Variants in TRAF3 observed in about 807,000 individuals in gnomAD.
The protein encoded by TRAF3 is TNF receptor-associated factor 3.
Under a neutral mutation model 62.3 loss-of-function variants are expected in TRAF3, and 13 were observed. That is an observed-to-expected ratio of 0.21 (90% confidence interval 0.14 to 0.33). The LOEUF (loss-of-function observed/expected upper bound fraction) is 0.33, where lower values mean the gene tolerates loss of function less well. Ranked by LOEUF, TRAF3 falls within the 10% of genes least tolerant of loss-of-function variation. TRAF3 has a pLI of 1.00. For synonymous variants in TRAF3, 269 were observed against 283.4 expected, an observed-to-expected ratio of 0.95 and a Z score of 0.51; for missense variants, 440 against 741.8, an observed-to-expected ratio of 0.59 and a Z score of 4.73.
In TRAF3 at chr14:102,909,301, G is replaced by T. The variant is rs539769445; in HGVS notation, c.*3517G>T. On this transcript the variant is annotated 3_prime_UTR_variant, in exon 12 of 12. Coordinates refer to ENST00000392745, the MANE Select transcript of TRAF3 (RefSeq NM_145725.3). ...CGCAAGCCTCGCCGGACCCCTGGGC[G>T]AAGGCCTGGACTTGCAGATGTGTGT... 6.6e-6 allele frequency: 1 copy of T among 152,302 alleles called. No homozygotes were observed. Among genetic ancestry groups the T allele is most frequent in the Non-Finnish European group, 1.5e-5 (1 of 68,078 alleles). The allele number at this position is 152,302 out of a possible 1,614,324, so 9.4% of individuals were successfully genotyped here. A position where few individuals can be genotyped will look rare whatever the true frequency, so the allele number is the denominator to read the frequency against.
At chr14:102,862,382 C>G (rs1211958799) in intron 2 of TRAF3, among the ~76,000 whole-genome samples, 2 of 131,556 alleles carry the variant, frequency 1.5e-5, no homozygotes, top group African/African-American at 3.0e-5. Flanking sequence ...GCCTGGGTGA[C>G]AGAGTAAGAT....
intron 1 of TRAF3, among the ~76,000 whole-genome samples, chr14:102,787,709 C>T (rs1897576567): frequency 6.6e-6 from 1 of 151,838 alleles, no homozygotes; most frequent in African/African-American, 2.4e-5. Context: ...AACAACAACA[C>T]TTCGATTTAT....
rs558166445 is a variant in TRAF3, at chr14:102,896,973, C to T, written c.820-288C>T. Among the ~76,000 whole-genome samples, 24 of 152,238 alleles carry T rather than the reference C, an allele frequency of 1.6e-4. No individual in the cohort carries two copies. The South Asian group carries it at 5.0e-3, about 32-fold the overall frequency. On this transcript the variant is annotated intron_variant, in intron 9 of 11. Coordinates refer to ENST00000392745, the MANE Select transcript of TRAF3 (RefSeq NM_145725.3). The stretch of plus-strand genomic sequence containing the variant: ...CTGTAGGCCTAGCTTACTCAAGAGG[C>T]TGAAGTGGGAGGATCACTTGAGCCC...
At chr14:102,884,213 G>A (rs1889232395) in intron 6 of TRAF3, among the ~76,000 whole-genome samples, 1 of 152,214 alleles carries the variant, frequency 6.6e-6, no homozygotes, top group South Asian at 2.1e-4. Context: ...GCTCATGGCT[G>A]CACCACTCCA....
chr14:102,800,695 C>CTTTT (rs369818329), intron 1 of TRAF3, among the ~76,000 whole-genome samples: 4 of 133,176 alleles, frequency 3.0e-5, no homozygotes, highest in Admixed American at 1.5e-4. Flanking sequence ...TGTTCTTTTC[C>CTTTT]TTTTTTTTTT....
chr14:102,865,523 G>A (rs1342933038), intron 2 of TRAF3, among the ~76,000 whole-genome samples: 6 of 129,816 alleles, frequency 4.6e-5, no homozygotes, highest in African/African-American at 8.9e-5. Flanking sequence ...TTTTTGAGAT[G>A]GAGTCTCATT....
chr14:102,792,364 C>G (rs1897847437), intron 1 of TRAF3, among the ~76,000 whole-genome samples: 1 of 151,566 alleles, frequency 6.6e-6, no homozygotes, highest in South Asian at 2.1e-4. Context: ...TCACCTTGAG[C>G]AGTTCTCCTG....
intron 7 of TRAF3, among the ~76,000 whole-genome samples, chr14:102,888,232 G>A (rs906276576): frequency 1.3e-5 from 2 of 152,186 alleles, no homozygotes; most frequent in Non-Finnish European, 2.9e-5. Flanking sequence ...TTCACACTGC[G>A]TTTCCTTGCC....
chr14:102,874,317 C>T (rs1888516924), intron 4 of TRAF3, among the ~76,000 whole-genome samples: 1 of 152,232 alleles, frequency 6.6e-6, no homozygotes, highest in South Asian at 2.1e-4. Context: ...AGTACAATGG[C>T]GTGATCTCAG....
chr14:102,863,603 C>G (rs900656947), intron 2 of TRAF3, among the ~76,000 whole-genome samples: 1 of 152,150 alleles, frequency 6.6e-6, no homozygotes, highest in Non-Finnish European at 1.5e-5. Context: ...TGTACACAGC[C>G]CTGGGCATTT....
intron 2 of TRAF3, among the ~76,000 whole-genome samples, chr14:102,862,750 C>T (rs779059926): frequency 2.0e-5 from 3 of 152,030 alleles, no homozygotes; most frequent in Non-Finnish European, 4.4e-5. Context: ...TATGTTGGTA[C>T]AATTGATGGT....
At chr14:102,846,759 T>A (rs1595358569) in intron 2 of TRAF3, among the ~76,000 whole-genome samples, 1 of 151,908 alleles carries the variant, frequency 6.6e-6, no homozygotes, top group South Asian at 2.1e-4. Context: ...GAGGCTGCCG[T>A]GAGTTGTGGT....
intron 3 of TRAF3, 148 bp downstream of exon 3, chr14:102,870,594 T>A: frequency 8.8e-7 from 1 of 1,139,154 alleles, no homozygotes; most frequent in Non-Finnish European, 1.2e-6. Context: ...TTGTGAATCC[T>A]TTAGGGAGGT....
intron 1 of TRAF3, among the ~76,000 whole-genome samples, chr14:102,799,828 T>C (rs1294882681): frequency 1.3e-5 from 2 of 152,212 alleles, no homozygotes; most frequent in East Asian, 3.8e-4. Flanking sequence ...CACATTTGTT[T>C]GTGGTTGTCC....
At chr14:102,847,144 C>A (rs1223566057) in intron 2 of TRAF3, among the ~76,000 whole-genome samples, 3 of 152,090 alleles carry the variant, frequency 2.0e-5, no homozygotes, top group Non-Finnish European at 4.4e-5. Context: ...TAAATTTATT[C>A]ATATTATAGA....
chr14:102,779,269 C>CTTT (rs61309052), intron 1 of TRAF3, among the ~76,000 whole-genome samples: 5,171 of 122,344 alleles, frequency 0.042, 557 homozygotes, highest in East Asian at 0.098. Context: ...AGAATTCCAG[C>CTTT]TTTTTTTTTT....
chr14:102,827,440 A>G (rs1413754552), intron 1 of TRAF3, among the ~76,000 whole-genome samples: 1 of 152,228 alleles, frequency 6.6e-6, no homozygotes, highest in East Asian at 1.9e-4. Context: ...TTAAGTGTAA[A>G]CACAAAATTC....
chr14:102,784,411 C>T (rs897228926), intron 1 of TRAF3, among the ~76,000 whole-genome samples: 3 of 151,950 alleles, frequency 2.0e-5, no homozygotes, highest in African/African-American at 7.3e-5. Flanking sequence ...TTAGTAGAAA[C>T]AGGGTTTCAC....
intron 2 of TRAF3, among the ~76,000 whole-genome samples, chr14:102,852,725 G>A (rs1887118383): frequency 6.6e-6 from 1 of 151,952 alleles, no homozygotes; most frequent in South Asian, 2.1e-4. Flanking sequence ...TTTAGAGACA[G>A]AATCTTGCCC....
Sources: gnomAD v4.1 joint callset for allele counts (sites outside exome capture counted in the v4.1 genomes callset) on GRCh38, gnomAD v4.1.1 for gene constraint, MANE v1.5 for transcripts, NCBI Gene and HGNC (gene_info 2026-07-23, HGNC 2026-07-21) for gene names.